The following NOL4 variants were observed in gnomAD, a reference collection of about 807,000 sequenced individuals.
The protein encoded by NOL4 is nucleolar protein 4, also known as cancer/testis antigen 125.
In NOL4, 17 loss-of-function variants were observed where a neutral mutation model predicts 75.9. The ratio of observed to expected loss-of-function variants is 0.22; its 90% CI spans 0.15 to 0.34. The LOEUF is 0.34. Ranked by LOEUF, NOL4 falls within the 10% of genes least tolerant of loss-of-function variation. The pLI is 1.00. For synonymous variants in NOL4, 292 were observed against 289.9 expected (o/e 1.01, Z -0.07); for missense variants, 614 against 793.5 (o/e 0.77, Z 2.72).
chr18:33,932,320 A>C (rs1162129924), intron 9 of NOL4, among the ~76,000 whole-genome samples: 1 of 152,120 alleles, frequency 6.6e-6, no homozygotes, highest in Non-Finnish European at 1.5e-5. Flanking sequence ...AAATAATGCC[A>C]TGTTTTTTAG....
intron 1 of NOL4, 45 bp downstream of exon 1, chr18:34,222,945 G>C (rs1310767840): frequency 6.3e-7 from 1 of 1,590,966 alleles, no homozygotes; most frequent in African/African-American, 1.3e-5. Flanking sequence ...CCTCCCCGCC[G>C]GGCTGCTCCG....
At chr18:33,934,662 C>T (rs1230386633) in intron 9 of NOL4, among the ~76,000 whole-genome samples, 2 of 152,100 alleles carry the variant, frequency 1.3e-5, no homozygotes, top group African/African-American at 4.8e-5. Context: ...GCTGTAATAG[C>T]TTCTGACTTT....
intron 9 of NOL4, among the ~76,000 whole-genome samples, chr18:33,942,835 CGTTA>C (rs1397863744): frequency 6.6e-6 from 1 of 151,828 alleles, no homozygotes; most frequent in Non-Finnish European, 1.5e-5. Context: ...AATCATAACT[CGTTA>C]GTTTTGCTAC....
intron 9 of NOL4, among the ~76,000 whole-genome samples, chr18:33,897,202 T>C (rs1349378363): frequency 6.6e-6 from 1 of 152,128 alleles, no homozygotes; most frequent in African/African-American, 2.4e-5. Flanking sequence ...TGGAAAGCAG[T>C]ATGGTGATTC....
At chr18:33,920,379 T>C (rs550832232) in intron 9 of NOL4, among the ~76,000 whole-genome samples, 1 of 152,358 alleles carries the variant, frequency 6.6e-6, no homozygotes, top group South Asian at 2.1e-4. Flanking sequence ...TAGTTATATA[T>C]TTTGCATCTG....
intron 5 of NOL4, among the ~76,000 whole-genome samples, chr18:34,036,869 T>C (rs1600344224): frequency 6.6e-6 from 1 of 151,968 alleles, no homozygotes; most frequent in Non-Finnish European, 1.5e-5. Context: ...GAGGTGGAGA[T>C]TGCAGTTAGC....
chr18:34,020,831 A>G (rs940000856), intron 5 of NOL4, among the ~76,000 whole-genome samples: 1 of 152,188 alleles, frequency 6.6e-6, no homozygotes, highest in Non-Finnish European at 1.5e-5. Flanking sequence ...ATATGATAAA[A>G]ATTTGCTACT....
At chr18:34,168,463 G>A (rs2146244169) in intron 1 of NOL4, among the ~76,000 whole-genome samples, 1 of 151,340 alleles carries the variant, frequency 6.6e-6, no homozygotes, top group South Asian at 2.1e-4. Flanking sequence ...GGTCTGCAGA[G>A]TAAAAGCCCC....
intron 10 of NOL4, among the ~76,000 whole-genome samples, chr18:33,862,958 A>G (rs941315638): frequency 3.3e-5 from 5 of 152,228 alleles, no homozygotes; most frequent in African/African-American, 1.2e-4. Context: ...GCTGCTATAA[A>G]GACACATGCA....
chr18:34,095,072 CT>C (rs1293451916), intron 4 of NOL4, among the ~76,000 whole-genome samples: 3 of 152,072 alleles, frequency 2.0e-5, no homozygotes, highest in Non-Finnish European at 2.9e-5. Context: ...GCTGTGGTGT[CT>C]TTCCTTTATC....
At chr18:34,069,271 T>C (rs2077409987) in intron 5 of NOL4, among the ~76,000 whole-genome samples, 4 of 152,158 alleles carry the variant, frequency 2.6e-5, no homozygotes, top group Non-Finnish European at 5.9e-5. Context: ...GGATCCCTTT[T>C]ACAAAAGATT....
chr18:33,940,894 G>T (rs2068435175), intron 9 of NOL4, among the ~76,000 whole-genome samples: 1 of 151,828 alleles, frequency 6.6e-6, no homozygotes, highest in African/African-American at 2.4e-5. Flanking sequence ...TACTCCTGGT[G>T]CAGGAGTAAG....
intron 6 of NOL4, among the ~76,000 whole-genome samples, chr18:33,995,555 TAAC>T (rs2073217123): frequency 6.6e-6 from 1 of 151,496 alleles, no homozygotes; most frequent in African/African-American, 2.4e-5. Flanking sequence ...GAGAAAAACT[TAAC>T]AAACTAGAAA....
chr18:34,189,099 G>A (rs1057153774), intron 1 of NOL4, among the ~76,000 whole-genome samples: 6 of 152,128 alleles, frequency 3.9e-5, no homozygotes, highest in Admixed American at 1.3e-4. Flanking sequence ...TATTTGGCTC[G>A]TGGTTGTGGA....
intron 2 of NOL4, among the ~76,000 whole-genome samples, chr18:34,115,506 C>T (rs2079811642): frequency 7.4e-6 from 1 of 135,376 alleles, no homozygotes; most frequent in Admixed American, 7.6e-5. Flanking sequence ...TTAGCACATG[C>T]ACAGTGGGGA....
intron 5 of NOL4, among the ~76,000 whole-genome samples, chr18:34,047,965 A>C (rs1280601037): frequency 6.6e-6 from 1 of 152,126 alleles, no homozygotes; most frequent in Non-Finnish European, 1.5e-5. Flanking sequence ...TGACCTAAAA[A>C]ACCACACCAC....
At chr18:33,958,844 A>G (rs1488981599) in intron 6 of NOL4, among the ~76,000 whole-genome samples, 1 of 146,004 alleles carries the variant, frequency 6.8e-6, no homozygotes, top group Non-Finnish European at 1.6e-5. Context: ...ACTTTATATA[A>G]TATTGTATTA....
At chr18:34,142,938 A>G (rs953458996) in intron 1 of NOL4, among the ~76,000 whole-genome samples, 3 of 152,198 alleles carry the variant, frequency 2.0e-5, no homozygotes, top group African/African-American at 7.2e-5. Flanking sequence ...GAAAAATAAC[A>G]GTACAATAAA....
chr18:33,921,806 G>A (rs934205327), intron 9 of NOL4, among the ~76,000 whole-genome samples: 4 of 152,298 alleles, frequency 2.6e-5, no homozygotes, highest in East Asian at 3.9e-4. Flanking sequence ...AGCCAGTAAT[G>A]TCCACTGTAG....
Sources: allele counts gnomAD v4.1 joint callset (sites outside exome capture counted in the v4.1 genomes callset), GRCh38; gene constraint gnomAD v4.1.1; transcripts MANE v1.5; gene names NCBI Gene and HGNC (gene_info 2026-07-23, HGNC 2026-07-21).